The following CNTN5 variants were observed in gnomAD, a reference collection of about 807,000 sequenced individuals.
The protein encoded by CNTN5 is contactin 5, also known as contactin-5.
CNTN5 carries 77 observed loss-of-function variants against 129.1 expected under a neutral mutation model. The ratio of observed to expected loss-of-function variants is 0.60; its 90% CI spans 0.50 to 0.72. The LOEUF (loss-of-function observed/expected upper bound fraction) is 0.72, where lower values mean the gene tolerates loss of function less well. Among genes scored for constraint, CNTN5 ranks in the 30% least tolerant of loss-of-function variants. The pLI, the probability that CNTN5 is intolerant of heterozygous loss-of-function variation, is 0.00. For missense variants in CNTN5, 1,478 were observed against 1,328.8 expected (o/e 1.11, Z -1.75); for synonymous variants, 509 against 465.6 (o/e 1.09, Z -1.20).
chr11:100,325,084 T>G (rs1412075167), intron 21 of CNTN5, among the ~76,000 whole-genome samples: 1 of 152,100 alleles, frequency 6.6e-6, no homozygotes, highest in African/African-American at 2.4e-5. Flanking sequence ...AAGCAGGGAC[T>G]TTGCCAATCA....
At chr11:100,346,559 C>A (rs1163062407) in intron 23 of CNTN5, among the ~76,000 whole-genome samples, 2 of 152,106 alleles carry the variant, frequency 1.3e-5, no homozygotes, top group Non-Finnish European at 2.9e-5. Flanking sequence ...AAGACACAAG[C>A]AGTCAGAAAG....
intron 16 of CNTN5, among the ~76,000 whole-genome samples, chr11:100,229,729 C>G (rs890066374): frequency 3.3e-5 from 5 of 152,160 alleles, no homozygotes; most frequent in Non-Finnish European, 7.4e-5. Context: ...ACTGCACTAC[C>G]CTTGTGATCC....
chr11:100,186,018 G>T (rs1288477961), intron 13 of CNTN5, among the ~76,000 whole-genome samples: 2 of 152,130 alleles, frequency 1.3e-5, no homozygotes, highest in Non-Finnish European at 2.9e-5. Flanking sequence ...TATTTGTAAA[G>T]GTTTAAACTA....
Position 99,734,596 on chromosome 11 carries a change from C to G in CNTN5, c.56-84948C>G, listed in dbSNP as rs150197091. The stretch of plus-strand genomic sequence containing the variant: ...ACATTACTAGATTCTTAATTTGCCT[C>G]AAAAACAGACTTCTAAAAGGCATTG... On this transcript the variant is annotated intron_variant, in intron 3 of 24. Coordinates refer to ENST00000524871, the MANE Select transcript of CNTN5 (RefSeq NM_014361.4). Among the ~76,000 whole-genome samples, 355 of 152,174 alleles carry G rather than the reference C, an allele frequency of 2.3e-3. 1 individual carries two copies. The highest frequency in any genetic ancestry group is 3.1e-3 in the Non-Finnish European group (208 of 68,012).
At chr11:99,468,940 C>T (rs1170328223) in intron 2 of CNTN5, among the ~76,000 whole-genome samples, 4 of 151,848 alleles carry the variant, frequency 2.6e-5, no homozygotes, top group African/African-American at 9.7e-5. Context: ...CTAGGATTAA[C>T]GGAAAAAGAA....
At chr11:99,911,147 T>G (rs1949648648) in intron 6 of CNTN5, among the ~76,000 whole-genome samples, 1 of 152,058 alleles carries the variant, frequency 6.6e-6, no homozygotes, top group Admixed American at 6.6e-5. Context: ...TCTAATATAA[T>G]TTGCCTTTTC....
chr11:99,293,795 G>A (rs1864270922), intron 1 of CNTN5, among the ~76,000 whole-genome samples: 1 of 151,690 alleles, frequency 6.6e-6, no homozygotes. Context: ...TTATTTATTT[G>A]GGTCTTCTTC....
At chr11:99,659,669 C>T (rs189503728) in intron 3 of CNTN5, among the ~76,000 whole-genome samples, 20 of 152,238 alleles carry the variant, frequency 1.3e-4, no homozygotes, top group African/African-American at 4.8e-4. Context: ...ATTCTCCCTT[C>T]CTCTGGAAAC....
At chr11:99,153,447 TA>T (rs1860170453) in intron 1 of CNTN5, among the ~76,000 whole-genome samples, 2 of 152,144 alleles carry the variant, frequency 1.3e-5, no homozygotes, top group African/African-American at 4.8e-5. Context: ...GTGATTGTAC[TA>T]TAATATCCTT....
intron 8 of CNTN5, among the ~76,000 whole-genome samples, chr11:99,990,829 A>T (rs1214217351): frequency 6.6e-6 from 1 of 152,194 alleles, no homozygotes; most frequent in Admixed American, 6.5e-5. Context: ...ATATATGTTG[A>T]TAAATAATAT....
chr11:99,600,051 A>C (rs563720945), intron 3 of CNTN5, among the ~76,000 whole-genome samples: 1 of 152,270 alleles, frequency 6.6e-6, no homozygotes, highest in East Asian at 1.9e-4. Flanking sequence ...AAGGGTACAA[A>C]CAAGGGAGGA....
At chr11:99,761,879 C>A (rs1327588078) in intron 3 of CNTN5, among the ~76,000 whole-genome samples, 1 of 98,822 alleles carries the variant, frequency 1.0e-5, no homozygotes, top group Admixed American at 1.1e-4. Flanking sequence ...ACAGTCCCAC[C>A]AACAGTGTAA....
chr11:99,328,647 G>T (rs1478711744), intron 2 of CNTN5, among the ~76,000 whole-genome samples: 1 of 152,004 alleles, frequency 6.6e-6, no homozygotes, highest in East Asian at 1.9e-4. Flanking sequence ...GAGATGGGTG[G>T]ATCACCTGAG....
chr11:99,482,043 C>T (rs758504709), intron 2 of CNTN5, among the ~76,000 whole-genome samples: 1 of 152,084 alleles, frequency 6.6e-6, no homozygotes, highest in Non-Finnish European at 1.5e-5. Context: ...TATTTTGAGT[C>T]TGAAATTCCC....
intron 3 of CNTN5, among the ~76,000 whole-genome samples, chr11:99,568,750 G>A (rs1475982917): frequency 6.6e-6 from 1 of 152,060 alleles, no homozygotes; most frequent in Non-Finnish European, 1.5e-5. Flanking sequence ...CTAATTACAA[G>A]AATGAGTTAA....
At chr11:100,013,527 C>T (rs139660042) in intron 9 of CNTN5, among the ~76,000 whole-genome samples, 2 of 152,242 alleles carry the variant, frequency 1.3e-5, no homozygotes, top group African/African-American at 4.8e-5. Context: ...CTACCTTGTC[C>T]TGGATGGTTT....
At chr11:99,770,568 G>A (rs1944909726) in intron 3 of CNTN5, among the ~76,000 whole-genome samples, 1 of 151,970 alleles carries the variant, frequency 6.6e-6, no homozygotes, top group South Asian at 2.1e-4. Flanking sequence ...ATATCTCATA[G>A]TTTTTTCAAG....
chr11:99,126,038 A>G (rs569195100), intron 1 of CNTN5, among the ~76,000 whole-genome samples: 1 of 152,262 alleles, frequency 6.6e-6, no homozygotes, highest in African/African-American at 2.4e-5. Flanking sequence ...CTTATTATTT[A>G]TTGGCTATGA....
chr11:99,959,525 C>T (rs1748569406), intron 8 of CNTN5, among the ~76,000 whole-genome samples: 1 of 152,162 alleles, frequency 6.6e-6, no homozygotes. Flanking sequence ...TCATTCCCTC[C>T]AGCCTTTCAG....
Sources: gnomAD v4.1 joint callset for allele counts (sites outside exome capture counted in the v4.1 genomes callset) on GRCh38, gnomAD v4.1.1 for gene constraint, MANE v1.5 for transcripts, NCBI Gene and HGNC (gene_info 2026-07-23, HGNC 2026-07-21) for gene names.